Variants in MICOS10 observed in about 807,000 individuals in gnomAD.
MICOS10 encodes the protein mitochondrial contact site and cristae organizing system subunit 10.
A neutral mutation model predicts 13.4 loss-of-function variants in MICOS10; 5 were observed. The observed-to-expected ratio is 0.37, with a 90% confidence interval of 0.20 to 0.78. The LOEUF (loss-of-function observed/expected upper bound fraction) is 0.78, where lower values mean the gene tolerates loss of function less well. Among genes scored for constraint, MICOS10 ranks in the 30% least tolerant of loss-of-function variants. The pLI is 0.47. For synonymous variants in MICOS10, 35 were observed against 33.6 expected (o/e 1.04, Z -0.15); for missense variants, 101 against 94.6 (o/e 1.07, Z -0.28).
rs373156755 is a variant in MICOS10 at position 19,613,812 on chromosome 1, G to A, written c.65-8288G>A. 2.6e-4 allele frequency among the ~76,000 whole-genome samples: 39 copies of A among 152,322 alleles called. No homozygotes were observed. In the South Asian group the frequency reaches 7.7e-3, roughly 30 times the overall value. On this transcript the variant is annotated intron_variant, in intron 1 of 3. Coordinates refer to ENST00000322753, the MANE Select transcript of MICOS10 (RefSeq NM_001032363.4). ...CGTCTGTGAGGAGGCTGCACTGGGAGCAGTATAGTGTGGGGATGAAGCACC... is the reference window on the plus strand; with the variant it reads ...CGTCTGTGAGGAGGCTGCACTGGGAACAGTATAGTGTGGGGATGAAGCACC...
chr1:19,598,859 C>T (rs908705877), intron 1 of MICOS10, among the ~76,000 whole-genome samples: 1 of 152,070 alleles, frequency 6.6e-6, no homozygotes, highest in Admixed American at 6.6e-5. Context: ...TAATGGTAGT[C>T]ATAATAACTG....
intron 1 of MICOS10, among the ~76,000 whole-genome samples, chr1:19,611,045 G>A (rs977422741): frequency 7.9e-5 from 12 of 151,678 alleles, no homozygotes; most frequent in African/African-American, 2.2e-4. Flanking sequence ...TCCACCTCCC[G>A]GGTTCAAGCA....
At chr1:19,612,590 G>T (rs977604701) in intron 1 of MICOS10, among the ~76,000 whole-genome samples, 1 of 152,048 alleles carries the variant, frequency 6.6e-6, no homozygotes, top group African/African-American at 2.4e-5. Flanking sequence ...GGGTGTGGGG[G>T]TATGTGCCTG....
intron 1 of MICOS10, among the ~76,000 whole-genome samples, chr1:19,608,877 C>G (rs1226953385): frequency 6.6e-6 from 1 of 151,686 alleles, no homozygotes; most frequent in Non-Finnish European, 1.5e-5. Context: ...AGGTTCCCCC[C>G]CACCCATAGA....
At chr1:19,600,986 G>A in intron 1 of MICOS10, 1 of 1,289,338 alleles carries the variant, frequency 7.8e-7, no homozygotes, top group South Asian at 1.2e-5. Context: ...GTCCTTCTCT[G>A]TTTGGTTGTC....
At position 19,628,014 on chromosome 1, in the gene MICOS10, C is replaced by T. The variant is rs192411657; in HGVS notation, c.*1613C>T. The T allele has an allele frequency of 1.2e-4, 18 of 152,300 alleles. No homozygotes were observed. The East Asian group carries it at 2.9e-3, about 24-fold the overall frequency. The allele number at this position is 152,300 out of a possible 1,614,324, so 9.4% of individuals were successfully genotyped here. ...CCTCTTCATTCTATGATTAAGGCAA[C>T]CCATATAATTGAAAGAAAAATAATG... is the stretch of plus-strand genomic sequence containing the variant. On this transcript the variant is annotated 3_prime_UTR_variant, in exon 4 of 4. Coordinates refer to ENST00000322753, the MANE Select transcript of MICOS10 (RefSeq NM_001032363.4).
chr1:19,621,859 C>T (rs1211623193), intron 1 of MICOS10, among the ~76,000 whole-genome samples: 1 of 152,120 alleles, frequency 6.6e-6, no homozygotes, highest in Non-Finnish European at 1.5e-5. Flanking sequence ...TCCCCTGCCC[C>T]ACACCCCGCA....
In MICOS10 at chr1:19,600,802, A is replaced by G. The variant is rs2094811185; in HGVS notation, c.64+3693A>G. Reference sequence around the variant, plus strand: ...TTTTTTGTAGAGATGGGGTTTCACCATGTTGCCCAGGCTGGTCTTGAACTC... The same window carrying G: ...TTTTTTGTAGAGATGGGGTTTCACCGTGTTGCCCAGGCTGGTCTTGAACTC... On this transcript the variant is annotated intron_variant, in intron 1 of 3. Coordinates refer to ENST00000322753, the MANE Select transcript of MICOS10 (RefSeq NM_001032363.4). 4 of 853,002 alleles carry G rather than the reference A, an allele frequency of 4.7e-6. No homozygotes were observed. In the South Asian group the frequency reaches 5.6e-5, roughly 12 times the overall value. The allele number at this position is 853,002 out of a possible 1,614,324, so 52.8% of individuals were successfully genotyped here.
intron 1 of MICOS10, chr1:19,608,208 A>G (rs1447737394): frequency 3.5e-6 from 5 of 1,418,852 alleles, no homozygotes; most frequent in East Asian, 2.3e-5. Context: ...GGTGTCTGCC[A>G]TATCTTTGCA....
In MICOS10 at chr1:19,602,898, A is replaced by C. The variant is rs930928326; in HGVS notation, c.64+5789A>C. ...CCGATGTCCTCAGCTTGGGCTTGTCACCCTGGACTGGATGAGAGGTTATGT... is the reference window on the plus strand; with the variant it reads ...CCGATGTCCTCAGCTTGGGCTTGTCCCCCTGGACTGGATGAGAGGTTATGT... On this transcript the variant is annotated intron_variant, in intron 1 of 3. Coordinates refer to ENST00000322753, the MANE Select transcript of MICOS10 (RefSeq NM_001032363.4). Among the ~76,000 whole-genome samples, 3 of 152,192 alleles carry C rather than the reference A, an allele frequency of 2.0e-5. No individual in the cohort carries two copies. In the South Asian group the frequency reaches 6.2e-4, roughly 32 times the overall value.
At chr1:19,597,136 C>T in intron 1 of MICOS10, 27 bp downstream of exon 1, 1 of 1,596,536 alleles carries the variant, frequency 6.3e-7, no homozygotes, top group Non-Finnish European at 8.5e-7. Flanking sequence ...CCCAGCAGGC[C>T]CGGCCGGTGC....
chr1:19,620,609 G>A (rs78336468), intron 1 of MICOS10, among the ~76,000 whole-genome samples: 7,912 of 152,204 alleles, frequency 0.052, 296 homozygotes, highest in Non-Finnish European at 0.073. Context: ...CTTTTTGCTG[G>A]TCTGAACTGT....
intron 1 of MICOS10, among the ~76,000 whole-genome samples, chr1:19,611,014 C>T (rs1021704146): frequency 4.6e-5 from 7 of 151,758 alleles, no homozygotes; most frequent in Non-Finnish European, 8.8e-5. Context: ...TGCAGTGGCA[C>T]GATCTTGGCT....
chr1:19,606,165 G>A (rs923776930), intron 1 of MICOS10, among the ~76,000 whole-genome samples: 4 of 152,178 alleles, frequency 2.6e-5, no homozygotes, highest in African/African-American at 9.7e-5. Flanking sequence ...GGAAAAGAGA[G>A]ATATAATGAT....
At chr1:19,615,565 T>G (rs996467807) in intron 1 of MICOS10, among the ~76,000 whole-genome samples, 2 of 152,214 alleles carry the variant, frequency 1.3e-5, no homozygotes, top group African/African-American at 4.8e-5. Context: ...ATAATCATTG[T>G]ACAACACTTT....
At chr1:19,608,399 CA>C (rs762847450) in intron 1 of MICOS10, 1 of 1,262,834 alleles carries the variant, frequency 7.9e-7, no homozygotes, top group Non-Finnish European at 1.2e-6. Flanking sequence ...CCTACACATC[CA>C]ACTCCGGGCC....
At chr1:19,617,572 C>T (rs1352070005) in intron 1 of MICOS10, among the ~76,000 whole-genome samples, 4 of 152,014 alleles carry the variant, frequency 2.6e-5, no homozygotes, top group Admixed American at 2.6e-4. Context: ...CTATTTTTTC[C>T]GTCATTAATG....
At chr1:19,602,982 C>T (rs533227584) in intron 1 of MICOS10, among the ~76,000 whole-genome samples, 106 of 152,082 alleles carry the variant, frequency 7.0e-4, no homozygotes, top group Non-Finnish European at 1.3e-3. Context: ...TCATAGACTT[C>T]CAGGGGCTGC....
intron 1 of MICOS10, among the ~76,000 whole-genome samples, chr1:19,598,432 A>G (rs1168616879): frequency 1.3e-5 from 2 of 152,184 alleles, no homozygotes; most frequent in African/African-American, 4.8e-5. Context: ...AAGACTTAAC[A>G]CCTAGCTATG....
Sources: allele counts gnomAD v4.1 joint callset (sites outside exome capture counted in the v4.1 genomes callset), GRCh38; gene constraint gnomAD v4.1.1; transcripts MANE v1.5; gene names NCBI Gene and HGNC (gene_info 2026-07-23, HGNC 2026-07-21).